The following TBC1D22B variants were observed in gnomAD, a reference collection of about 807,000 sequenced individuals.
TBC1D22B encodes chromosome 6 open reading frame 197.
TBC1D22B carries 32 observed loss-of-function variants against 69.1 expected under a neutral mutation model. The ratio of observed to expected loss-of-function variants is 0.46; its 90% CI spans 0.35 to 0.62. The LOEUF (loss-of-function observed/expected upper bound fraction) is 0.62. TBC1D22B is among the 20% of genes least tolerant of loss of function. TBC1D22B has a pLI of 0.00. For missense variants in TBC1D22B, 462 were observed against 630.9 expected (o/e 0.73, Z 2.87); for synonymous variants, 206 against 229.8 (o/e 0.90, Z 0.94).
At chr6:37,329,752 T>A (rs1768529290) in intron 12 of TBC1D22B, among the ~76,000 whole-genome samples, 1 of 152,220 alleles carries the variant, frequency 6.6e-6, no homozygotes, top group Non-Finnish European at 1.5e-5. Context: ...AACACATGCT[T>A]TAACTTTATG....
At chr6:37,326,376 C>A (rs866728843) in intron 12 of TBC1D22B, among the ~76,000 whole-genome samples, 1,232 of 115,580 alleles carry the variant, frequency 0.011, no homozygotes, top group Non-Finnish European at 0.011. Flanking sequence ...GACTGCGCCT[C>A]AAAAAAAAAA....
In TBC1D22B at chr6:37,260,198, T is replaced by C. The variant is rs548157445; in HGVS notation, c.56+2225T>C. On this transcript the variant is annotated intron_variant, in intron 1 of 12. Transcript: ENST00000373491. ...AAATGTTAGGGCATTTTCTCAAGAATAGAACTTTTGCATCTGTACTCTTTC... is the reference window on the plus strand; with the variant it reads ...AAATGTTAGGGCATTTTCTCAAGAACAGAACTTTTGCATCTGTACTCTTTC... Among the ~76,000 whole-genome samples the C allele has an allele frequency of 1.0e-3, 155 of 152,288 alleles. 1 individual carries two copies. The highest frequency in any genetic ancestry group is 1.9e-3 in the Non-Finnish European group (130 of 68,018).
intron 1 of TBC1D22B, among the ~76,000 whole-genome samples, chr6:37,258,405 C>T (rs1765917505): frequency 6.6e-6 from 1 of 152,096 alleles, no homozygotes; most frequent in Admixed American, 6.5e-5. Flanking sequence ...GAGGTCGGCA[C>T]TTACCCGAAG....
At chr6:37,288,157 A>C (rs1767063784) in intron 7 of TBC1D22B, among the ~76,000 whole-genome samples, 1 of 152,194 alleles carries the variant, frequency 6.6e-6, no homozygotes, top group Non-Finnish European at 1.5e-5. Context: ...ATTTTGTTTA[A>C]ATATAGATGT....
At chr6:37,321,317 C>T (rs1768237412) in intron 12 of TBC1D22B, among the ~76,000 whole-genome samples, 1 of 152,038 alleles carries the variant, frequency 6.6e-6, no homozygotes, top group South Asian at 2.1e-4. Flanking sequence ...CCAGATGCTT[C>T]CTGGAGCTCT....
chr6:37,313,259 A>G (rs1229992036), intron 9 of TBC1D22B, among the ~76,000 whole-genome samples: 1 of 152,074 alleles, frequency 6.6e-6, no homozygotes, highest in Non-Finnish European at 1.5e-5. Flanking sequence ...GGAGGCCAAG[A>G]CTGGAGGATC....
chr6:37,282,766 GC>G (rs1242830601), intron 4 of TBC1D22B, 115 bp from the exon 5 acceptor site: 4 of 990,744 alleles, frequency 4.0e-6, no homozygotes, highest in Non-Finnish European at 6.3e-6. Flanking sequence ...CTTATGGGTA[GC>G]AGGTGGTGGT....
At chr6:37,294,289 C>A (rs896373480) in intron 8 of TBC1D22B, among the ~76,000 whole-genome samples, 1 of 152,078 alleles carries the variant, frequency 6.6e-6, no homozygotes, top group Non-Finnish European at 1.5e-5. Flanking sequence ...TCCTGCCCCT[C>A]CGAGTAGCTA....
At chr6:37,303,948 A>G (rs928309842) in intron 8 of TBC1D22B, among the ~76,000 whole-genome samples, 2 of 152,234 alleles carry the variant, frequency 1.3e-5, no homozygotes, top group Non-Finnish European at 2.9e-5. Context: ...CTTTGAGGCC[A>G]AAGAGTATTT....
intron 8 of TBC1D22B, among the ~76,000 whole-genome samples, chr6:37,310,600 A>G (rs1161850403): frequency 2.0e-5 from 3 of 152,216 alleles, no homozygotes; most frequent in African/African-American, 7.2e-5. Flanking sequence ...CCTGGAAGGT[A>G]GAGGCTGCAG....
chr6:37,316,048 A>G (rs769480817), intron 10 of TBC1D22B, among the ~76,000 whole-genome samples: 3 of 152,216 alleles, frequency 2.0e-5, no homozygotes, highest in Non-Finnish European at 4.4e-5. Flanking sequence ...GTAATTTAGA[A>G]AACAATCCCA....
chr6:37,326,213 C>T (rs937190665), intron 12 of TBC1D22B, among the ~76,000 whole-genome samples: 1 of 151,090 alleles, frequency 6.6e-6, no homozygotes, highest in African/African-American at 2.4e-5. Context: ...AACCCAGTCT[C>T]CACTAAAAAT....
chr6:37,328,578 A>C (rs1768495874), intron 12 of TBC1D22B, among the ~76,000 whole-genome samples: 1 of 152,250 alleles, frequency 6.6e-6, no homozygotes, highest in South Asian at 2.1e-4. Flanking sequence ...TGCTTACGGT[A>C]AATGTTGCAT....
At chr6:37,313,120 C>T (rs1767970019) in intron 9 of TBC1D22B, 96 bp downstream of exon 9, 4 of 812,466 alleles carry the variant, frequency 4.9e-6, no homozygotes, top group Middle Eastern at 3.0e-4. Context: ...TCAGGCAGGA[C>T]CACCCACCCA....
chr6:37,270,183 G>A (rs1324871790), intron 2 of TBC1D22B, among the ~76,000 whole-genome samples: 1 of 152,216 alleles, frequency 6.6e-6, no homozygotes, highest in Non-Finnish European at 1.5e-5. Context: ...TGGGCATGGT[G>A]GCTCACGCCT....
At chr6:37,272,723 CTG>C (rs1359885423) in intron 2 of TBC1D22B, among the ~76,000 whole-genome samples, 1 of 152,108 alleles carries the variant, frequency 6.6e-6, no homozygotes, top group African/African-American at 2.4e-5. Flanking sequence ...TCTGTGATAT[CTG>C]TGTGATCGTC....
intron 7 of TBC1D22B, among the ~76,000 whole-genome samples, chr6:37,289,093 G>T (rs1767100705): frequency 1.3e-5 from 2 of 151,902 alleles, no homozygotes; most frequent in South Asian, 4.2e-4. Context: ...ATGGGGTCTT[G>T]CTTTGTTGCC....
intron 12 of TBC1D22B, 76 bp downstream of exon 12, chr6:37,317,282 A>T: frequency 1.4e-6 from 2 of 1,417,256 alleles, no homozygotes; most frequent in Non-Finnish European, 9.7e-7. Context: ...GGCAGTGCAG[A>T]CAGAAGGTGC....
At chr6:37,289,821 A>G (rs895438085) in intron 7 of TBC1D22B, among the ~76,000 whole-genome samples, 4 of 152,220 alleles carry the variant, frequency 2.6e-5, no homozygotes, top group African/African-American at 9.7e-5. Context: ...GAGAGGAAAT[A>G]GAGTGTAAGA....
Sources: gnomAD v4.1 joint callset for allele counts (sites outside exome capture counted in the v4.1 genomes callset) on GRCh38, gnomAD v4.1.1 for gene constraint, MANE v1.5 for transcripts, NCBI Gene and HGNC (gene_info 2026-07-23, HGNC 2026-07-21) for gene names.